Variants in CNNM2 observed in about 807,000 individuals in gnomAD.
CNNM2 encodes metal transporter CNNM2.
A neutral mutation model predicts 66.9 loss-of-function variants in CNNM2; 12 were observed. The ratio of observed to expected loss-of-function variants is 0.18; its 90% confidence interval spans 0.11 to 0.29. The LOEUF (loss-of-function observed/expected upper bound fraction) is 0.29. CNNM2 is among the 10% of genes least tolerant of loss of function. CNNM2 has a pLI of 1.00. For missense variants in CNNM2, 705 were observed against 1,167.7 expected (o/e 0.60, Z 5.77); for synonymous variants, 557 against 501.8 (o/e 1.11, Z -1.47).
chr10:103,025,368 C>T (rs558816378), intron 1 of CNNM2, among the ~76,000 whole-genome samples: 3 of 152,334 alleles, frequency 2.0e-5, no homozygotes, highest in South Asian at 2.1e-4. Flanking sequence ...GGATTACAGG[C>T]GTGAGCCACC....
chr10:102,940,812 C>G (rs1377514630), intron 1 of CNNM2, among the ~76,000 whole-genome samples: 1 of 151,914 alleles, frequency 6.6e-6, no homozygotes, highest in Admixed American at 6.6e-5. Flanking sequence ...ACCTCCACCT[C>G]CAGGGTTCAA....
In CNNM2 at chr10:103,083,252, C is replaced by T. The variant is rs751178507; in HGVS notation, c.*6072C>T. The T allele has an allele frequency of 2.6e-5, 4 of 152,208 alleles. No individual in the cohort carries two copies. The highest frequency in any genetic ancestry group is 4.4e-5 in the Non-Finnish European group (3 of 68,042). 9.4% of individuals were successfully genotyped at this position (152,208 alleles called of 1,614,324 possible). On this transcript the variant is annotated 3_prime_UTR_variant, in exon 8 of 8. Transcript: ENST00000369878. ...ATTGAGCTGATTGTCTTAATGAATGCATTTTATAATTCAAATGATGTAGAT... is the reference window on the plus strand; with the variant it reads ...ATTGAGCTGATTGTCTTAATGAATGTATTTTATAATTCAAATGATGTAGAT...
intron 1 of CNNM2, among the ~76,000 whole-genome samples, chr10:102,988,234 G>C (rs538488350): frequency 6.6e-6 from 1 of 152,098 alleles, no homozygotes; most frequent in African/African-American, 2.4e-5. Flanking sequence ...CCTGGGAGGC[G>C]GAGGTTGCAG....
In CNNM2 at chr10:103,077,845, A is replaced by T. The variant is rs2065716136; in HGVS notation, c.*665A>T. ...TTTTGAGAATTTAATGTTTAACTGT[A>T]CCCCTTTCCCTCAGGAAGATTTAAC... On this transcript the variant is annotated 3_prime_UTR_variant, in exon 8 of 8. Coordinates refer to ENST00000369878, the MANE Select transcript of CNNM2 (RefSeq NM_017649.5). 1 of 152,434 alleles carries T rather than the reference A, an allele frequency of 6.6e-6. No homozygotes were observed. Among genetic ancestry groups the T allele is most frequent in the African/African-American group, 2.4e-5 (1 of 41,374 alleles). 9.4% of individuals were successfully genotyped at this position (152,434 alleles called of 1,614,324 possible). A position where few individuals can be genotyped will look rare whatever the true frequency, so the allele number is the denominator to read the frequency against.
chr10:103,066,593 C>T (rs1675973685), intron 4 of CNNM2, among the ~76,000 whole-genome samples: 1 of 152,170 alleles, frequency 6.6e-6, no homozygotes, highest in African/African-American at 2.4e-5. Flanking sequence ...TGGCCGGCCG[C>T]TGCCGCCACC....
At chr10:102,967,314 T>C (rs879205244) in intron 1 of CNNM2, among the ~76,000 whole-genome samples, 1 of 152,112 alleles carries the variant, frequency 6.6e-6, no homozygotes, top group Non-Finnish European at 1.5e-5. Flanking sequence ...AACCCACCCA[T>C]GTAAGCATAC....
chr10:102,976,499 T>C (rs925458493), intron 1 of CNNM2, among the ~76,000 whole-genome samples: 2 of 146,526 alleles, frequency 1.4e-5, no homozygotes, highest in African/African-American at 5.1e-5. Flanking sequence ...AGGGGTGTGA[T>C]TGCAGCTTAG....
At chr10:102,951,964 C>T (rs369952157) in intron 1 of CNNM2, among the ~76,000 whole-genome samples, 10 of 152,108 alleles carry the variant, frequency 6.6e-5, no homozygotes, top group South Asian at 4.2e-4. Context: ...CCACCACACC[C>T]GGCTAATTTT....
At chr10:102,947,914 G>T (rs904401654) in intron 1 of CNNM2, among the ~76,000 whole-genome samples, 1 of 152,066 alleles carries the variant, frequency 6.6e-6, no homozygotes, top group Non-Finnish European at 1.5e-5. Context: ...TTAGCCGGGC[G>T]TGGTGGCAGG....
At chr10:102,992,133 A>C (rs1353343468) in intron 1 of CNNM2, among the ~76,000 whole-genome samples, 1 of 152,170 alleles carries the variant, frequency 6.6e-6, no homozygotes, top group Non-Finnish European at 1.5e-5. Flanking sequence ...ATAAACTTAG[A>C]CTAAGCTTTC....
At chr10:102,989,948 C>T (rs1162700746) in intron 1 of CNNM2, among the ~76,000 whole-genome samples, 1 of 142,916 alleles carries the variant, frequency 7.0e-6, no homozygotes, top group African/African-American at 2.6e-5. Flanking sequence ...ATCCATTAAA[C>T]TTTTTTTTTT....
intron 1 of CNNM2, among the ~76,000 whole-genome samples, chr10:102,987,917 C>A (rs772170106): frequency 3.9e-5 from 6 of 152,122 alleles, no homozygotes; most frequent in Non-Finnish European, 7.3e-5. Context: ...CTCTCTGAGG[C>A]CTCAATGTGA....
At chr10:102,969,622 G>T (rs946158515) in intron 1 of CNNM2, among the ~76,000 whole-genome samples, 1 of 152,132 alleles carries the variant, frequency 6.6e-6, no homozygotes, top group African/African-American at 2.4e-5. Context: ...TATAATAGCG[G>T]CAATTGGTGT....
intron 1 of CNNM2, among the ~76,000 whole-genome samples, chr10:103,001,156 A>AT (rs1699030404): frequency 6.6e-6 from 1 of 152,180 alleles, no homozygotes; most frequent in Non-Finnish European, 1.5e-5. Context: ...GATAGAAAGT[A>AT]TTAGGGTGGT....
rs2065791361 is a variant in CNNM2, at chr10:103,085,070, C to T, written c.*7890C>T. The stretch of plus-strand genomic sequence containing the variant: ...TTCTAGGGCCCTTTTCTCTGACTTT[C>T]TGCTGGCATGCCATCTCCCCTAGTG... On this transcript the variant is annotated 3_prime_UTR_variant, in exon 8 of 8. Coordinates refer to ENST00000369878, the MANE Select transcript of CNNM2 (RefSeq NM_017649.5). The T allele has an allele frequency of 1.3e-5, 2 of 152,162 alleles. No homozygotes were observed. The allele number at this position is 152,162 out of a possible 1,614,324, so 9.4% of individuals were successfully genotyped here.
At chr10:103,017,324 C>A (rs143009815) in intron 1 of CNNM2, among the ~76,000 whole-genome samples, 3 of 152,248 alleles carry the variant, frequency 2.0e-5, no homozygotes, top group Middle Eastern at 3.4e-3. Flanking sequence ...TGGCAGACAG[C>A]GTTCTAGGCA....
intron 4 of CNNM2, among the ~76,000 whole-genome samples, chr10:103,064,573 G>A (rs565484748): frequency 3.9e-5 from 6 of 152,262 alleles, no homozygotes; most frequent in South Asian, 4.1e-4. Context: ...GCCCTGGCAC[G>A]GTGGCTCATG....
intron 4 of CNNM2, among the ~76,000 whole-genome samples, chr10:103,066,640 T>C (rs1049996108): frequency 1.3e-5 from 2 of 152,248 alleles, no homozygotes; most frequent in Non-Finnish European, 2.9e-5. Context: ...CTCTTGGTCA[T>C]CCACAGCTTT....
intron 1 of CNNM2, among the ~76,000 whole-genome samples, chr10:102,959,185 T>TA (rs1847157875): frequency 6.6e-6 from 1 of 151,974 alleles, no homozygotes; most frequent in Non-Finnish European, 1.5e-5. Context: ...TCACCCGCCT[T>TA]AGTCTCCCAA....
Sources: gnomAD v4.1 joint callset for allele counts (sites outside exome capture counted in the v4.1 genomes callset) on GRCh38, gnomAD v4.1.1 for gene constraint, MANE v1.5 for transcripts, NCBI Gene and HGNC (gene_info 2026-07-23, HGNC 2026-07-21) for gene names.